PRKDC: variants seen among roughly 807,000 people sequenced by gnomAD.
PRKDC encodes DNA-dependent protein kinase catalytic subunit.
In PRKDC, 82 loss-of-function variants were observed where a neutral mutation model predicts 486.9. The observed-to-expected ratio is 0.17, with a 90% CI of 0.14 to 0.20. The LOEUF (loss-of-function observed/expected upper bound fraction) is 0.20, where lower values mean the gene tolerates loss of function less well. Ranked by LOEUF, PRKDC falls within the 10% of genes least tolerant of loss-of-function variation. PRKDC has a pLI of 1.00. For missense variants in PRKDC, 4,504 were observed against 5,038.2 expected (o/e 0.89, Z 3.21); for synonymous variants, 1,895 against 1,837.0 (o/e 1.03, Z -0.81).
intron 38 of PRKDC, 47 bp from the exon 39 acceptor site, chr8:47,879,705 A>C: frequency 1.4e-6 from 2 of 1,426,700 alleles, no homozygotes; most frequent in Non-Finnish European, 1.9e-6. Context: ...TATGGCTTAT[A>C]TATCCTACAG....
intron 69 of PRKDC, among the ~76,000 whole-genome samples, chr8:47,806,218 C>T (rs544285448): frequency 6.6e-6 from 1 of 152,348 alleles, no homozygotes; most frequent in African/African-American, 2.4e-5. Flanking sequence ...GCAGCCCCCA[C>T]TCTTACTAGA....
chr8:47,804,373 C>T (rs796692637), intron 69 of PRKDC, among the ~76,000 whole-genome samples: 5 of 149,842 alleles, frequency 3.3e-5, no homozygotes, highest in African/African-American at 1.2e-4. Context: ...AATCTCGGCT[C>T]ACTGCAACCT....
intron 40 of PRKDC, among the ~76,000 whole-genome samples, chr8:47,872,400 A>T (rs561309984): frequency 1.4e-4 from 21 of 152,230 alleles, no homozygotes; most frequent in African/African-American, 4.6e-4. Flanking sequence ...CCAGAAAACA[A>T]ATAACAAATG....
intron 70 of PRKDC, among the ~76,000 whole-genome samples, chr8:47,801,810 T>C (rs1466066190): frequency 6.6e-6 from 1 of 152,142 alleles, no homozygotes; most frequent in East Asian, 1.9e-4. Context: ...ATAACAGTGT[T>C]GAAACTAGGA....
chr8:47,782,428 G>T lies in PRKDC; in HGVS notation c.11346C>A (p.Ser3782Arg). The T allele has an allele frequency of 6.2e-7, 1 of 1,600,754 alleles. No homozygotes were observed. Among genetic ancestry groups the T allele is most frequent in the Non-Finnish European group, 8.5e-7 (1 of 1,174,570 alleles). ...NGILAQDSAC[S>R]QRALQLRTYS... The stretch of plus-strand genomic sequence containing the variant: ...AGGTCCTCAGCTGCAGGGCCCTCTG[G>T]CTGCAGGCGGAGTCTTGGGCCAGGA... Residue 3782 changes from serine (S) to arginine (R), a missense_variant, in exon 79 of 86, where the codon AGC becomes AGA. Coordinates refer to ENST00000314191, the MANE Select transcript of PRKDC (RefSeq NM_006904.7). The surrounding 1 kb of genome is among the most constrained non-coding windows in gnomAD (Gnocchi z 4.9).
intron 11 of PRKDC, 110 bp downstream of exon 11, chr8:47,939,441 G>C: frequency 8.0e-7 from 1 of 1,243,486 alleles, no homozygotes; most frequent in Non-Finnish European, 1.1e-6. Flanking sequence ...TTATTCAAGG[G>C]TCTACTGTAT....
chr8:47,934,572 T>C (rs1038036523), intron 14 of PRKDC, among the ~76,000 whole-genome samples: 20 of 151,948 alleles, frequency 1.3e-4, no homozygotes, highest in African/African-American at 4.8e-4. Flanking sequence ...AACGGAAAAA[T>C]ATGTGATTCT....
chr8:47,892,437 C>A (rs979967710), intron 31 of PRKDC, among the ~76,000 whole-genome samples: 1 of 152,044 alleles, frequency 6.6e-6, no homozygotes, highest in Non-Finnish European at 1.5e-5. Context: ...CTCAAGCGAT[C>A]CTCCCACCTC....
Position 47,820,717 on chromosome 8 carries a change from A to G in PRKDC, c.9336+2T>C. On this transcript the variant is annotated splice_donor_variant, in intron 66 of 85. Coordinates refer to ENST00000314191, the MANE Select transcript of PRKDC (RefSeq NM_006904.7). LOFTEE classifies it high-confidence loss of function. ...GCATATATATATAATATATAGTATT[A>G]CCTGCATAAAACTCTGAATGCCATT... 1 of 1,490,222 alleles carries G rather than the reference A, an allele frequency of 6.7e-7. No individual in the cohort carries two copies. Among genetic ancestry groups the G allele is most frequent in the Non-Finnish European group, 9.1e-7 (1 of 1,099,762 alleles). 92.3% of individuals were successfully genotyped at this position (1,490,222 alleles called of 1,614,324 possible).
rs763953993 is a variant in PRKDC at position 47,782,361 on chromosome 8, A to C, written c.11396+17T>G. 6.2e-7 allele frequency: 1 copy of C among 1,607,450 alleles called. No individual in the cohort carries two copies. The highest frequency in any genetic ancestry group is 8.5e-7 in the Non-Finnish European group (1 of 1,176,826). On this transcript the variant is annotated intron_variant, in intron 79 of 85. Coordinates refer to ENST00000314191, the MANE Select transcript of PRKDC (RefSeq NM_006904.7). This position sits in a 1 kb window ranked among gnomAD's most constrained non-coding sequence, Gnocchi z 4.9. ...AATATGCAGCAGCCTACTGGCTGGG[A>C]GCAGCCTGGCAGTTACCTGGAGGTC...
chr8:47,889,039 G>A lies in PRKDC; in HGVS notation c.4255C>T (p.Leu1419=). The change falls in exon 33 of 86, where the codon CTG becomes TTG. Residue 1419 remains leucine, a synonymous_variant. Transcript: ENST00000314191. ...SPYKDILETH[L]REKITAQSIE... The stretch of plus-strand genomic sequence containing the variant: ...CTCTGTGCTGTTATTTTCTCTCTCA[G>A]ATGGGTCTCTAGGATATCTTTGTAT... 1 of 1,613,890 alleles carries A rather than the reference G, an allele frequency of 6.2e-7. No homozygotes were observed. Among genetic ancestry groups the A allele is most frequent in the Non-Finnish European group, 8.5e-7 (1 of 1,179,812 alleles).
At chr8:47,842,712 C>T (rs1374130822) in intron 54 of PRKDC, among the ~76,000 whole-genome samples, 1 of 152,206 alleles carries the variant, frequency 6.6e-6, no homozygotes, top group Non-Finnish European at 1.5e-5. Flanking sequence ...GTCCTAACCT[C>T]TCAGCAATGG....
intron 46 of PRKDC, 92 bp from the exon 47 acceptor site, chr8:47,859,078 C>T: frequency 7.3e-7 from 1 of 1,371,586 alleles, no homozygotes; most frequent in Non-Finnish European, 1.0e-6. Flanking sequence ...GGGGCAACAG[C>T]ATATAACAAA....
Position 47,788,937 on chromosome 8 carries a change from C to G in PRKDC, c.10871G>C (p.Gly3624Ala). 6.2e-7 allele frequency: 1 copy of G among 1,610,400 alleles called. No individual in the cohort carries two copies. The highest frequency in any genetic ancestry group is 2.2e-5 in the East Asian group (1 of 44,848). The part of the protein sequence containing the change: ...YAALGDPKAP[G>A]LGAFRRKFIQ... ...AAACTTCCTTCTAAAGGCCCCCAGG[C>G]CTGGAGCCTTTGGGTCACCCAAGGC... The change falls in exon 76 of 86, where the codon GGC becomes GCC. Residue 3624 changes from glycine to alanine, a missense_variant. Gly to Ala is a moderately conservative substitution (Grantham distance 60). Coordinates refer to ENST00000314191, the MANE Select transcript of PRKDC (RefSeq NM_006904.7).
chr8:47,957,056 C>A, intron 3 of PRKDC, 115 bp downstream of exon 3: 2 of 609,554 alleles, frequency 3.3e-6, no homozygotes, highest in East Asian at 3.2e-5. Flanking sequence ...TAAGCAAATT[C>A]CCCAATGAGA....
At chr8:47,812,730 A>G (rs2087356353) in intron 68 of PRKDC, among the ~76,000 whole-genome samples, 1 of 152,162 alleles carries the variant, frequency 6.6e-6, no homozygotes. Flanking sequence ...AAAAAATAGT[A>G]AAGACGATAC....
rs1488867663 is a variant in PRKDC at position 47,799,202 on chromosome 8, C to T, written c.10297+8G>A. ...AATGGAACACTAGCTTTTTAATTTT[C>T]AATTCACCTGATGCATTCTCTTCCT... On this transcript the variant is annotated splice_region_variant and intron_variant, in intron 72 of 85. Transcript: ENST00000314191. 1 of 1,613,592 alleles carries T rather than the reference C, an allele frequency of 6.2e-7. No homozygotes were observed. Among genetic ancestry groups the T allele is most frequent in the Admixed American group, 1.7e-5 (1 of 59,992 alleles).
At position 47,854,124 on chromosome 8, in the gene PRKDC, G is replaced by A. The variant is rs200558896; in HGVS notation, c.6852C>T (p.Asp2284=). ...CACACTGTGGGTCATAGGGAGGCAG[G>A]TCATTGGCCATCACGATGCCTAGCA... ...IQLLGIVMAN[D]LPPYDPQCGI... is the part of the protein sequence containing the mutation. The change falls in exon 51 of 86, where the codon GAC becomes GAT. Residue 2284 remains aspartate, a synonymous_variant. Transcript: ENST00000314191. 207 of 1,613,822 alleles carry A rather than the reference G, an allele frequency of 1.3e-4. No individual in the cohort carries two copies. Among genetic ancestry groups the A allele is most frequent in the African/African-American group, 4.5e-4 (34 of 74,908 alleles).
intron 10 of PRKDC, 141 bp downstream of exon 10, chr8:47,943,068 G>T: frequency 9.2e-7 from 1 of 1,089,790 alleles, no homozygotes; most frequent in African/African-American, 1.6e-5. Context: ...CATATGGCTG[G>T]CTGATCAACA....
Sources: gnomAD v4.1 joint callset for allele counts (sites outside exome capture counted in the v4.1 genomes callset) on GRCh38, gnomAD v4.1.1 for gene constraint, Gnocchi (gnomAD v3.1) non-coding constraint, MANE v1.5 for transcripts, NCBI Gene and HGNC (gene_info 2026-07-23, HGNC 2026-07-21) for gene names.